The following ARID2 variants were observed in gnomAD, a reference collection of about 807,000 sequenced individuals.
ARID2 encodes AT-rich interaction domain 2.
Under a neutral mutation model 184.6 loss-of-function variants are expected in ARID2, and 32 were observed. The ratio of observed to expected loss-of-function variants is 0.17; its 90% confidence interval spans 0.13 to 0.23. The LOEUF (loss-of-function observed/expected upper bound fraction) is 0.23, where lower values mean the gene tolerates loss of function less well. Among genes scored for constraint, ARID2 ranks in the 10% least tolerant of loss-of-function variants. ARID2 has a pLI of 1.00. For synonymous variants in ARID2, 836 were observed against 772.6 expected (o/e 1.08, Z -1.36); for missense variants, 1,696 against 2,197.6 (o/e 0.77, Z 4.56).
In ARID2 at chr12:45,812,206, T is replaced by TA. The variant is rs887414224; in HGVS notation, c.418+666dup. Among the ~76,000 whole-genome samples, 843 of 142,188 alleles carry TA rather than the reference T, an allele frequency of 5.9e-3. 3 individuals are homozygous for TA. The highest frequency in any genetic ancestry group is 0.018 in the African/African-American group (698 of 39,030). The allele number at this position is 142,188 out of a possible 152,430, so 93.3% of individuals were successfully genotyped here. On this transcript the variant is annotated intron_variant, in intron 4 of 20. Coordinates refer to ENST00000334344, the MANE Select transcript of ARID2 (RefSeq NM_152641.4). ...TTTTTCCACTCACTAACATTTGGCCTAAAAAAAAAAAGAGATACTTGTTTT... is the reference window on the plus strand; with the variant it reads ...TTTTTCCACTCACTAACATTTGGCCTAAAAAAAAAAAAGAGATACTTGTTTT...
intron 3 of ARID2, among the ~76,000 whole-genome samples, chr12:45,799,050 C>A (rs552225366): frequency 2.6e-5 from 4 of 151,722 alleles, no homozygotes; most frequent in Admixed American, 1.3e-4. Flanking sequence ...GAAATAAATT[C>A]TATTTAAAAT....
At chr12:45,812,853 A>G (rs1942734761) in intron 4 of ARID2, among the ~76,000 whole-genome samples, 1 of 152,226 alleles carries the variant, frequency 6.6e-6, no homozygotes, top group African/African-American at 2.4e-5. Flanking sequence ...TAGCAGAGCT[A>G]TTAATCCTTG....
intron 3 of ARID2, among the ~76,000 whole-genome samples, chr12:45,807,160 A>C (rs1942617615): frequency 6.6e-6 from 1 of 152,132 alleles, no homozygotes; most frequent in East Asian, 1.9e-4. Context: ...GAATTTATGA[A>C]AGTTTTTAAC....
chr12:45,747,592 C>T (rs1365949998), intron 3 of ARID2, among the ~76,000 whole-genome samples: 3 of 151,980 alleles, frequency 2.0e-5, no homozygotes. Flanking sequence ...GGCCTCTCAG[C>T]AAGTGGGAAA....
chr12:45,742,318 TA>T (rs1479539247), intron 3 of ARID2, among the ~76,000 whole-genome samples: 2 of 152,238 alleles, frequency 1.3e-5, no homozygotes, highest in African/African-American at 4.8e-5. Flanking sequence ...AGCATTGTAT[TA>T]TACTTGCTTG....
At position 45,786,622 on chromosome 12, in the gene ARID2, C is replaced by T. The variant is rs138501410; in HGVS notation, c.285-24796C>T. 4.5e-3 allele frequency among the ~76,000 whole-genome samples: 688 copies of T among 152,216 alleles called. 2 individuals are homozygous for T. The highest frequency in any genetic ancestry group is 7.6e-3 in the Non-Finnish European group (516 of 68,008). On this transcript the variant is annotated intron_variant, in intron 3 of 20. Transcript: ENST00000334344. ...AAAATAGAACTACTGTGTGATCCAG[C>T]GATCCAACTACTGGATATATGTCCA...
chr12:45,771,363 A>AG (rs1941872931), intron 3 of ARID2, among the ~76,000 whole-genome samples: 1 of 151,722 alleles, frequency 6.6e-6, no homozygotes, highest in South Asian at 2.1e-4. Context: ...TGTCAAAAAA[A>AG]AAAAAAAAAA....
rs116375762 is a variant in ARID2 at position 45,876,628 on chromosome 12, A to G, written c.4923-15152A>G. Among the ~76,000 whole-genome samples, 1,061 of 152,150 alleles carry G rather than the reference A, an allele frequency of 7.0e-3. 10 individuals carry two copies. The highest frequency in any genetic ancestry group is 0.024 in the African/African-American group (1,001 of 41,528). ...CAAAACATTTACAAAGGTGACATCA[A>G]GATCACTGATCACAGATCACTATAA... On this transcript the variant is annotated intron_variant, in intron 16 of 20. Coordinates refer to ENST00000334344, the MANE Select transcript of ARID2 (RefSeq NM_152641.4).
chr12:45,825,394 T>A (rs529102262), intron 6 of ARID2, among the ~76,000 whole-genome samples: 11 of 152,246 alleles, frequency 7.2e-5, no homozygotes, highest in Non-Finnish European at 1.3e-4. Context: ...AAATTTGTTA[T>A]TGAGCTATCT....
intron 16 of ARID2, among the ~76,000 whole-genome samples, chr12:45,889,704 C>T (rs1386765923): frequency 6.6e-6 from 1 of 152,202 alleles, no homozygotes; most frequent in Non-Finnish European, 1.5e-5. Context: ...CTTTGGAAGG[C>T]CGAGGCGGGT....
rs1030314722 is a variant in ARID2 at position 45,893,554 on chromosome 12, C to G, written c.5271+11C>G. 2.5e-6 allele frequency: 4 copies of G among 1,612,782 alleles called. No homozygotes were observed. Among genetic ancestry groups the G allele is most frequent in the Non-Finnish European group, 2.5e-6 (3 of 1,179,432 alleles). The stretch of plus-strand genomic sequence containing the variant: ...TTTCGAGATTTTACAGTAAGCATGC[C>G]TTGAAACCCTTATCTGTAAAAGTCT... On this transcript the variant is annotated intron_variant, in intron 19 of 20. Coordinates refer to ENST00000334344, the MANE Select transcript of ARID2 (RefSeq NM_152641.4).
At chr12:45,841,627 C>A (rs950728111) in intron 11 of ARID2, 1 of 152,180 alleles carries the variant, frequency 6.6e-6, no homozygotes. Flanking sequence ...AAATCTCTAT[C>A]ATAATTTAAA....
At chr12:45,752,361 A>G (rs899122016) in intron 3 of ARID2, among the ~76,000 whole-genome samples, 13 of 152,096 alleles carry the variant, frequency 8.5e-5, no homozygotes, top group Non-Finnish European at 1.6e-4. Flanking sequence ...TTATTTCTCT[A>G]TCTTAGGTAG....
In ARID2 at chr12:45,732,257, A is replaced by G. The variant is rs563959259; in HGVS notation, c.284+943A>G. Among the ~76,000 whole-genome samples the G allele has an allele frequency of 7.2e-5, 11 of 152,132 alleles. No homozygotes were observed. In the South Asian group the frequency reaches 2.1e-3, roughly 29 times the overall value. ...AGTGATAGTACAGGCCTTTTTTTGT[A>G]AGGTGGCTTCTGCATAATTTGAGTT... is the stretch of plus-strand genomic sequence containing the variant. On this transcript the variant is annotated intron_variant, in intron 3 of 20. Transcript: ENST00000334344.
chr12:45,788,732 C>T (rs1017047732), intron 3 of ARID2, among the ~76,000 whole-genome samples: 3 of 151,930 alleles, frequency 2.0e-5, no homozygotes, highest in Non-Finnish European at 2.9e-5. Context: ...ATTCTGAATT[C>T]TGAAAAAAAT....
At chr12:45,892,481 T>TAC (rs778566891) in intron 18 of ARID2, among the ~76,000 whole-genome samples, 7 of 150,424 alleles carry the variant, frequency 4.7e-5, no homozygotes, top group African/African-American at 1.5e-4. Flanking sequence ...GTCATTATCA[T>TAC]ATATATATAT....
intron 3 of ARID2, among the ~76,000 whole-genome samples, chr12:45,776,844 G>A (rs1054039213): frequency 2.1e-5 from 3 of 146,030 alleles, no homozygotes; most frequent in African/African-American, 5.1e-5. Flanking sequence ...GTACAGCGCC[G>A]TGATCTCGGC....
intron 3 of ARID2, among the ~76,000 whole-genome samples, chr12:45,800,033 A>G (rs747545905): frequency 2.0e-5 from 3 of 152,152 alleles, no homozygotes; most frequent in Middle Eastern, 3.4e-3. Flanking sequence ...AATTTTATGT[A>G]GAGATGGGGG....
chr12:45,731,943 A>AAT (rs1941011493), intron 3 of ARID2, among the ~76,000 whole-genome samples: 2 of 152,024 alleles, frequency 1.3e-5, no homozygotes, highest in African/African-American at 4.8e-5. Context: ...GATACTATGA[A>AAT]ATGGGATACT....
Sources: gnomAD v4.1 joint callset for allele counts (sites outside exome capture counted in the v4.1 genomes callset) on GRCh38, gnomAD v4.1.1 for gene constraint, MANE v1.5 for transcripts, NCBI Gene and HGNC (gene_info 2026-07-23, HGNC 2026-07-21) for gene names.